DAP: variants seen among roughly 807,000 people sequenced by gnomAD.
DAP encodes the protein death associated protein.
DAP carries 8 observed loss-of-function variants against 13.8 expected under a neutral mutation model. That is an observed-to-expected ratio of 0.58 (90% confidence interval 0.34 to 1.05). The LOEUF (loss-of-function observed/expected upper bound fraction) is 1.05, where lower values mean the gene tolerates loss of function less well. Among genes scored for constraint, DAP ranks in the 50% least tolerant of loss-of-function variants. DAP has a pLI of 0.03. For missense variants in DAP, 106 were observed against 133.2 expected, an observed-to-expected ratio of 0.80 and a Z score of 1.01; for synonymous variants, 47 against 47.5, an observed-to-expected ratio of 0.99 and a Z score of 0.04.
chr5:10,754,066 CCTAT>C (rs1172939143), intron 1 of DAP, among the ~76,000 whole-genome samples: 1 of 152,076 alleles, frequency 6.6e-6, no homozygotes, highest in Non-Finnish European at 1.5e-5. Context: ...GGGACTATGG[CCTAT>C]CTTAGTTAAG....
At chr5:10,760,521 T>C (rs780017245) in intron 1 of DAP, among the ~76,000 whole-genome samples, 1 of 152,074 alleles carries the variant, frequency 6.6e-6, no homozygotes, top group Non-Finnish European at 1.5e-5. Context: ...GCGGTGAAAG[T>C]CATATTGAGT....
At chr5:10,709,078 C>T (rs1185548228) in intron 2 of DAP, among the ~76,000 whole-genome samples, 1 of 152,252 alleles carries the variant, frequency 6.6e-6, no homozygotes, top group Non-Finnish European at 1.5e-5. Context: ...TCACCTGGCA[C>T]CTCTGGAATA....
At chr5:10,713,040 AC>A (rs1738891749) in intron 2 of DAP, among the ~76,000 whole-genome samples, 2 of 126,286 alleles carry the variant, frequency 1.6e-5, no homozygotes, top group African/African-American at 7.1e-5. Flanking sequence ...CAACCAGCCG[AC>A]CAACCAGCCA....
Position 10,681,005 on chromosome 5 carries a change from T to C in DAP, c.*51A>G. ...CTGCTGGTTCTCTCTGTCAGGGAAA[T>C]ACCAAGTGCAGCAGAGCCGGGGCCA... On this transcript the variant is annotated 3_prime_UTR_variant, in exon 4 of 4. Transcript: ENST00000230895. The C allele has an allele frequency of 6.4e-7, 1 of 1,555,152 alleles. No homozygotes were observed.
intron 2 of DAP, among the ~76,000 whole-genome samples, chr5:10,719,710 T>G (rs536096403): frequency 5.6e-4 from 85 of 152,322 alleles, no homozygotes; most frequent in African/African-American, 2.0e-3. Flanking sequence ...GAGCACGTCC[T>G]GAAGGCATAA....
At chr5:10,683,317 G>A (rs1738070571) in intron 3 of DAP, 6 of 641,340 alleles carry the variant, frequency 9.4e-6, no homozygotes, top group African/African-American at 3.7e-5. Flanking sequence ...ACCAGACGGC[G>A]GCTCTGGAAA....
At chr5:10,727,789 T>G (rs1739328072) in intron 2 of DAP, among the ~76,000 whole-genome samples, 1 of 152,230 alleles carries the variant, frequency 6.6e-6, no homozygotes, top group African/African-American at 2.4e-5. Context: ...AGCACCCCTG[T>G]GGATACCACA....
rs1391593634 is a variant in DAP at position 10,707,511 on chromosome 5, T to A, written c.153-23940A>T. Among the ~76,000 whole-genome samples the A allele has an allele frequency of 1.3e-5, 2 of 152,154 alleles. No homozygotes were observed. The highest frequency in any genetic ancestry group is 2.9e-5 in the Non-Finnish European group (2 of 68,034). On this transcript the variant is annotated intron_variant, in intron 2 of 3. Coordinates refer to ENST00000230895, the MANE Select transcript of DAP (RefSeq NM_004394.3). The surrounding 1 kb of genome is among the most constrained non-coding windows in gnomAD (Gnocchi z 4.0). ...ACTATGTGGTGCACAGGCAGTGTGA[T>A]GCATAGGTGGTGTGATGCATGGGTG...
Position 10,681,007 on chromosome 5 carries a change from C to T in DAP, c.*49G>A. 1.9e-6 allele frequency: 3 copies of T among 1,555,818 alleles called. No homozygotes were observed. Among genetic ancestry groups the T allele is most frequent in the Non-Finnish European group, 1.7e-6 (2 of 1,149,472 alleles). ...GCTGGTTCTCTCTGTCAGGGAAATA[C>T]CAAGTGCAGCAGAGCCGGGGCCATG... On this transcript the variant is annotated 3_prime_UTR_variant, in exon 4 of 4. Transcript: ENST00000230895.
chr5:10,730,814 A>T (rs1739438310), intron 2 of DAP, among the ~76,000 whole-genome samples: 1 of 112,510 alleles, frequency 8.9e-6, no homozygotes, highest in South Asian at 3.4e-4. Context: ...GGTGGGGGGA[A>T]TCCTTCTCTA....
intron 2 of DAP, among the ~76,000 whole-genome samples, chr5:10,709,908 C>T (rs987438629): frequency 1.1e-4 from 16 of 152,310 alleles, no homozygotes; most frequent in African/African-American, 3.8e-4. Flanking sequence ...TATGGATTCA[C>T]CTGGGACTGG....
chr5:10,733,153 T>TGC lies in DAP; in HGVS notation c.152+15020_152+15021dup, dbSNP rs1232261773. 2.2e-3 allele frequency among the ~76,000 whole-genome samples: 284 copies of TGC among 128,350 alleles called. 1 individual carries two copies. The highest frequency in any genetic ancestry group is 8.1e-3 in the African/African-American group (265 of 32,824). 84.2% of individuals were successfully genotyped at this position (128,350 alleles called of 152,430 possible). A position where few individuals can be genotyped will look rare whatever the true frequency, so the allele number is the denominator to read the frequency against. On this transcript the variant is annotated intron_variant, in intron 2 of 3. Coordinates refer to ENST00000230895, the MANE Select transcript of DAP (RefSeq NM_004394.3). ...CCTTTTTAAGGTTGAATAATATTCC[T>TGC]GCGTGTGTGTGTGTGTGTGTGTGTG...
At chr5:10,710,738 C>T (rs1009737238) in intron 2 of DAP, among the ~76,000 whole-genome samples, 12 of 152,182 alleles carry the variant, frequency 7.9e-5, no homozygotes, top group African/African-American at 2.9e-4. Flanking sequence ...TCCTTCAGCC[C>T]TGCACCTGTG....
chr5:10,716,631 G>A (rs1350571868), intron 2 of DAP, among the ~76,000 whole-genome samples: 8 of 152,164 alleles, frequency 5.3e-5, no homozygotes, highest in Non-Finnish European at 5.9e-5. Context: ...CATGCTGGAC[G>A]CTTCCTGCCC....
At chr5:10,698,282 CAAAAAAAAAAAAAA>C (rs71613386) in intron 2 of DAP, among the ~76,000 whole-genome samples, 2 of 42,904 alleles carry the variant, frequency 4.7e-5, no homozygotes, top group Non-Finnish European at 9.0e-5. Context: ...CCAGACTTAG[CAAAAAAAAAAAAAA>C]AAAAAAAAAA....
chr5:10,740,310 A>G (rs1080440), intron 2 of DAP, among the ~76,000 whole-genome samples: 53,402 of 152,002 alleles, frequency 0.35, 10,176 homozygotes, highest in African/African-American at 0.5. Flanking sequence ...GAACATATCA[A>G]ATGTTCACTA....
Position 10,707,593 on chromosome 5 carries a change from T to G in DAP, c.153-24022A>C, listed in dbSNP as rs556119639. Among the ~76,000 whole-genome samples, 1 of 152,052 alleles carries G rather than the reference T, an allele frequency of 6.6e-6. No homozygotes were observed. The highest frequency in any genetic ancestry group is 1.9e-4 in the East Asian group (1 of 5,166). ...AGTGTGGTGCACAGGCAGTGTGATG[T>G]GATTTGTGAGCAGTGTGGTGCACAG... On this transcript the variant is annotated intron_variant, in intron 2 of 3. Transcript: ENST00000230895. This position sits in a 1 kb window ranked among gnomAD's most constrained non-coding sequence, Gnocchi z 4.0.
intron 2 of DAP, among the ~76,000 whole-genome samples, chr5:10,742,924 ACCATCCATCCATCCAT>A (rs369437281): frequency 7.5e-6 from 1 of 134,188 alleles, no homozygotes; most frequent in Non-Finnish European, 1.7e-5. Flanking sequence ...GTTTGTATCT[ACCATCCATCCATCCAT>A]CCATCCATCC....
At chr5:10,685,397 A>G (rs1250553320) in intron 2 of DAP, among the ~76,000 whole-genome samples, 3 of 152,220 alleles carry the variant, frequency 2.0e-5, no homozygotes, top group Non-Finnish European at 4.4e-5. Context: ...GGATTCTTAA[A>G]GCACATCCTG....
Sources: allele counts gnomAD v4.1 joint callset (sites outside exome capture counted in the v4.1 genomes callset), GRCh38; gene constraint gnomAD v4.1.1; non-coding constraint Gnocchi (gnomAD v3.1); transcripts MANE v1.5; gene names NCBI Gene and HGNC (gene_info 2026-07-23, HGNC 2026-07-21).